Variants in PCNX2 observed in about 807,000 individuals in gnomAD.
The protein encoded by PCNX2 is pecanex-like protein 2.
In PCNX2, 168 loss-of-function variants were observed where a neutral mutation model predicts 223.8. The ratio of observed to expected loss-of-function variants is 0.75; its 90% confidence interval spans 0.66 to 0.85. The LOEUF (loss-of-function observed/expected upper bound fraction) is 0.85. PCNX2 is among the 40% of genes least tolerant of loss of function. The pLI is 0.00. For synonymous variants in PCNX2, 1,006 were observed against 1,052.6 expected (o/e 0.96, Z 0.86); for missense variants, 2,507 against 2,675.5 (o/e 0.94, Z 1.39).
intron 8 of PCNX2, among the ~76,000 whole-genome samples, chr1:233,238,920 A>G (rs1474856348): frequency 1.3e-5 from 2 of 152,168 alleles, no homozygotes; most frequent in South Asian, 2.1e-4. Context: ...CTTCTTGTCT[A>G]TATTAGTGGC....
In PCNX2 at chr1:233,017,162, G is replaced by GC; in HGVS notation, c.4606-9_4606-8insG. ...CATATAGTATATTATACTCTGCAGA[G>GC]AAAAAGCCAGGAAGATTTTATTTAT... On this transcript the variant is annotated splice_polypyrimidine_tract_variant and intron_variant, in intron 26 of 33. Coordinates refer to ENST00000258229, the MANE Select transcript of PCNX2 (RefSeq NM_014801.4). The GC allele has an allele frequency of 1.3e-6, 1 of 786,020 alleles. No homozygotes were observed. Among genetic ancestry groups the GC allele is most frequent in the Non-Finnish European group, 1.7e-6 (1 of 588,690 alleles). 48.7% of individuals were successfully genotyped at this position (786,020 alleles called of 1,614,324 possible).
chr1:232,984,334 G>A lies in PCNX2; in HGVS notation c.6384C>T (p.Ala2128=), dbSNP rs1393884807. The change falls in exon 34 of 34, where the codon GCC becomes GCT. Residue 2128 remains alanine (A), a synonymous_variant. Transcript: ENST00000258229. The part of the protein sequence containing the change: ...SQEDMGLDDT[A]SQQSVSDEQ ...GCTCGTCTGACACACTTTGCTGCGA[G>A]GCCGTGTCGTCCAGGCCCATGTCCT... The A allele has an allele frequency of 8.7e-6, 14 of 1,610,950 alleles. 1 individual carries two copies.
At chr1:233,156,555 T>C (rs1164720887) in intron 19 of PCNX2, among the ~76,000 whole-genome samples, 3 of 152,012 alleles carry the variant, frequency 2.0e-5, no homozygotes, top group Non-Finnish European at 4.4e-5. Flanking sequence ...GAAGGGAGGC[T>C]CAGGGAGCAG....
At chr1:233,096,994 T>G (rs1674212406) in intron 21 of PCNX2, among the ~76,000 whole-genome samples, 1 of 152,210 alleles carries the variant, frequency 6.6e-6, no homozygotes, top group Non-Finnish European at 1.5e-5. Flanking sequence ...TCTGCCTCAC[T>G]TTTCTGGTCT....
At chr1:233,281,520 A>G (rs1661192714) in intron 1 of PCNX2, among the ~76,000 whole-genome samples, 1 of 152,220 alleles carries the variant, frequency 6.6e-6, no homozygotes, top group South Asian at 2.1e-4. Flanking sequence ...ACAAGAAATG[A>G]GGTAAAATTT....
At chr1:233,321,659 C>T in the PCNX2 span, among the ~76,000 whole-genome samples, 5 of 152,152 alleles carry the variant, frequency 3.3e-5, no homozygotes, top group African/African-American at 1.2e-4. Flanking sequence ...ATATGCATTT[C>T]TCATTTTGTC....
chr1:233,168,286 A>C (rs1423299630), intron 17 of PCNX2, among the ~76,000 whole-genome samples: 4 of 152,152 alleles, frequency 2.6e-5, no homozygotes, highest in Admixed American at 2.6e-4. Context: ...CCTGACATTA[A>C]CAGTATTAGT....
intron 14 of PCNX2, among the ~76,000 whole-genome samples, chr1:233,199,376 G>A (rs78015458): frequency 6.6e-6 from 1 of 152,210 alleles, no homozygotes; most frequent in East Asian, 1.9e-4. Context: ...AGAATAAATG[G>A]GAAGGAGAAG....
intron 15 of PCNX2, 54 bp from the exon 16 acceptor site, chr1:233,179,229 G>C: frequency 5.1e-6 from 8 of 1,554,314 alleles, no homozygotes; most frequent in Non-Finnish European, 7.1e-6. Context: ...TGAATAGCAG[G>C]ATCTCTATCA....
chr1:233,321,962 C>G, the PCNX2 span, among the ~76,000 whole-genome samples: 1 of 152,134 alleles, frequency 6.6e-6, no homozygotes, highest in Non-Finnish European at 1.5e-5. Context: ...TCAGGGGTCT[C>G]TCAGGGGCCT....
At chr1:233,086,913 TGA>T in intron 23 of PCNX2, 1 of 642,892 alleles carries the variant, frequency 1.6e-6, no homozygotes, top group Non-Finnish European at 1.9e-6. Flanking sequence ...AGTGACAAGC[TGA>T]GAGCTGTGTT....
At chr1:233,156,063 A>G (rs768774700) in intron 19 of PCNX2, among the ~76,000 whole-genome samples, 2 of 152,220 alleles carry the variant, frequency 1.3e-5, no homozygotes, top group Non-Finnish European at 2.9e-5. Context: ...CTGATGCTGA[A>G]CTGTACTATA....
chr1:232,986,871 C>A (rs1240963805), intron 32 of PCNX2, among the ~76,000 whole-genome samples: 2 of 152,222 alleles, frequency 1.3e-5, no homozygotes, highest in African/African-American at 4.8e-5. Context: ...TCCCACATGC[C>A]TGGAAGCTGC....
chr1:233,167,961 G>A, intron 17 of PCNX2: 1 of 383,850 alleles, frequency 2.6e-6, no homozygotes, highest in African/African-American at 2.2e-5. Flanking sequence ...AGAATTTACT[G>A]GTACTGCCCT....
intron 15 of PCNX2, among the ~76,000 whole-genome samples, chr1:233,187,340 A>G (rs1223611058): frequency 2.0e-5 from 3 of 152,224 alleles, no homozygotes; most frequent in South Asian, 2.1e-4. Context: ...TGTTGTCCTC[A>G]GGATTCTGGA....
intron 10 of PCNX2, among the ~76,000 whole-genome samples, chr1:233,226,968 TTCTCATTATC>T (rs1394759717): frequency 6.6e-6 from 1 of 152,180 alleles, no homozygotes; most frequent in Non-Finnish European, 1.5e-5. Context: ...AACTTATTAT[TTCTCATTATC>T]TCTTATTATT....
chr1:233,277,812 A>G (rs1173336272), intron 1 of PCNX2, among the ~76,000 whole-genome samples: 1 of 152,192 alleles, frequency 6.6e-6, no homozygotes, highest in Non-Finnish European at 1.5e-5. Flanking sequence ...GACTCTCCAC[A>G]GGAGAAAGGA....
intron 1 of PCNX2, among the ~76,000 whole-genome samples, chr1:233,274,088 G>T (rs73093211): frequency 1.3e-5 from 2 of 152,100 alleles, no homozygotes; most frequent in Admixed American, 1.3e-4. Flanking sequence ...ATGCCCCTTG[G>T]GGGGAGTTGT....
At chr1:233,251,746 C>T (rs7522041) in intron 7 of PCNX2, among the ~76,000 whole-genome samples, 3,153 of 152,310 alleles carry the variant, frequency 0.021, 93 homozygotes, top group African/African-American at 0.07. Context: ...AGTAAAATAA[C>T]GAGCACTACT....
Sources: allele counts gnomAD v4.1 joint callset (sites outside exome capture counted in the v4.1 genomes callset), GRCh38; gene constraint gnomAD v4.1.1; transcripts MANE v1.5; gene names NCBI Gene and HGNC (gene_info 2026-07-23, HGNC 2026-07-21).